Variants in NCR3LG1 observed in about 807,000 individuals in gnomAD.
NCR3LG1 encodes natural cytotoxicity triggering receptor 3 ligand 1.
A neutral mutation model predicts 34.8 loss-of-function variants in NCR3LG1; 35 were observed. That is an observed-to-expected ratio of 1.01 (90% CI 0.77 to 1.33). The LOEUF (loss-of-function observed/expected upper bound fraction) is 1.33, where lower values mean the gene tolerates loss of function less well. NCR3LG1 is among the 40% of genes most tolerant of loss of function. NCR3LG1 has a pLI of 0.00. For synonymous variants in NCR3LG1, 173 were observed against 163.6 expected, an observed-to-expected ratio of 1.06 and a Z score of -0.44; for missense variants, 452 against 423.3, an observed-to-expected ratio of 1.07 and a Z score of -0.60.
intron 4 of NCR3LG1, among the ~76,000 whole-genome samples, chr11:17,369,573 C>T (rs114263086): frequency 6.6e-6 from 1 of 152,184 alleles, no homozygotes; most frequent in African/African-American, 2.4e-5. Flanking sequence ...AATAAAAGGG[C>T]CCTCAATTAT....
intron 2 of NCR3LG1, among the ~76,000 whole-genome samples, chr11:17,363,147 T>A (rs902048067): frequency 1.3e-5 from 2 of 150,132 alleles, no homozygotes; most frequent in African/African-American, 4.9e-5. Flanking sequence ...CGTCTTGAAC[T>A]CCCTCGGCTC....
rs1953473162 is a variant in NCR3LG1, at chr11:17,376,028, CA to C, written c.*3517del. On this transcript the variant is annotated 3_prime_UTR_variant, in exon 5 of 5. Transcript: ENST00000338965. Reference sequence around the variant, plus strand: ...CATCAGTGCATCCAAAGATTGTTCTCAGGAGAAAATCTACTAAAAATGGTCA... The same window carrying C: ...CATCAGTGCATCCAAAGATTGTTCTCGGAGAAAATCTACTAAAAATGGTCA... 1 of 152,192 alleles carries C rather than the reference CA, an allele frequency of 6.6e-6. No homozygotes were observed. The highest frequency in any genetic ancestry group is 2.4e-5 in the African/African-American group (1 of 41,448). The allele number at this position is 152,192 out of a possible 1,614,324, so 9.4% of individuals were successfully genotyped here. A position where few individuals can be genotyped will look rare whatever the true frequency, so the allele number is the denominator to read the frequency against.
At position 17,352,008 on chromosome 11, in the gene NCR3LG1, C is replaced by T. The variant is rs1417278693; in HGVS notation, c.39C>T (p.Leu13=). ...CTGCCGCCTCCACGTGCGCGGCGCT[C>T]CTGATTCTGCTGTGGGCGCTGACGA... ...WRAAASTCAA[L]LILLWALTTE... is the part of the protein sequence containing the mutation. Residue 13 remains leucine (L), a synonymous_variant, in exon 1 of 5, where the codon CTC becomes CTT. Transcript: ENST00000338965. The T allele has an allele frequency of 6.6e-7, 1 of 1,516,820 alleles. No homozygotes were observed. The highest frequency in any genetic ancestry group is 8.8e-7 in the Non-Finnish European group (1 of 1,137,042). The allele number at this position is 1,516,820 out of a possible 1,614,324, so 94.0% of individuals were successfully genotyped here.
At chr11:17,353,728 AGC>A (rs1490727378) in intron 1 of NCR3LG1, among the ~76,000 whole-genome samples, 1 of 143,476 alleles carries the variant, frequency 7.0e-6, no homozygotes, top group African/African-American at 2.7e-5. Context: ...CAGCAGCAGC[AGC>A]TCCTGGAGGA....
intron 3 of NCR3LG1, among the ~76,000 whole-genome samples, chr11:17,368,548 G>C (rs1219471826): frequency 6.6e-6 from 1 of 152,146 alleles, no homozygotes; most frequent in Non-Finnish European, 1.5e-5. Context: ...TGCATGTATG[G>C]TACGAGGGGT....
chr11:17,371,599 G>T (rs1352076585), intron 4 of NCR3LG1, among the ~76,000 whole-genome samples: 1 of 152,206 alleles, frequency 6.6e-6, no homozygotes, highest in Admixed American at 6.5e-5. Flanking sequence ...AAATCAATCA[G>T]TCTCATTCTC....
chr11:17,372,016 A>G lies in NCR3LG1; in HGVS notation c.869A>G (p.Lys290Arg). The G allele has an allele frequency of 1.4e-6, 1 of 699,016 alleles. No individual in the cohort carries two copies. The allele number at this position is 699,016 out of a possible 1,614,324, so 43.3% of individuals were successfully genotyped here. Residue 290 changes from lysine to arginine, a missense_variant, in exon 5 of 5, where the codon AAA becomes AGA. Transcript: ENST00000338965. Reference sequence around the variant, plus strand: ...CTCCTCTTTTTCTAGATATGTAACAAATCATCTTCAGCCTATACTCCTCTC... The same window carrying G: ...CTCCTCTTTTTCTAGATATGTAACAGATCATCTTCAGCCTATACTCCTCTC... Reference protein sequence around the residue: ...VLIPWKKICNKSSSAYTPLKC... With the variant: ...VLIPWKKICNRSSSAYTPLKC...
In NCR3LG1 at chr11:17,366,991, A is replaced by ATT. The variant is rs142133579; in HGVS notation, c.422-11_422-10dup. On this transcript the variant is annotated splice_polypyrimidine_tract_variant and intron_variant, in intron 2 of 4. Transcript: ENST00000338965. ...AGGGTGCTGGGCCCAACTCTGTATG[A>ATT]TTTTTTTTCCCTGACAGCTTCCCCA... The ATT allele has an allele frequency of 5.9e-6, 9 of 1,520,394 alleles. No homozygotes were observed. In the Admixed American group the frequency reaches 9.9e-5, roughly 17 times the overall value. 94.2% of individuals were successfully genotyped at this position (1,520,394 alleles called of 1,614,324 possible).
Position 17,372,678 on chromosome 11 carries a change from T to C in NCR3LG1, c.*166T>C. Reference sequence around the variant, plus strand: ...GACCTTACTTGGGGTGATGTTATGTTGCTCTTAAACTCTTAACTACTACAG... The same window carrying C: ...GACCTTACTTGGGGTGATGTTATGTCGCTCTTAAACTCTTAACTACTACAG... On this transcript the variant is annotated 3_prime_UTR_variant, in exon 5 of 5. Transcript: ENST00000338965. 1 of 568,570 alleles carries C rather than the reference T, an allele frequency of 1.8e-6. No homozygotes were observed. Among genetic ancestry groups the C allele is most frequent in the Non-Finnish European group, 3.1e-6 (1 of 321,278 alleles). The allele number at this position is 568,570 out of a possible 1,614,324, so 35.2% of individuals were successfully genotyped here.
chr11:17,377,856 G>A (rs567018032), downstream of NCR3LG1, among the ~76,000 whole-genome samples: 9 of 152,252 alleles, frequency 5.9e-5, no homozygotes, highest in South Asian at 8.3e-4. Context: ...CTAGCCTAGC[G>A]TCTTTTCTAG....
Position 17,376,676 on chromosome 11 carries a change from C to T in NCR3LG1, c.*4164C>T, listed in dbSNP as rs1953480283. The T allele has an allele frequency of 6.6e-6, 1 of 152,180 alleles. No homozygotes were observed. Among genetic ancestry groups the T allele is most frequent in the African/African-American group, 2.4e-5 (1 of 41,426 alleles). 9.4% of individuals were successfully genotyped at this position (152,180 alleles called of 1,614,324 possible). The stretch of plus-strand genomic sequence containing the variant: ...CCAGGAAAGCATTTCCTCCCTGGTG[C>T]CAGAAAACACTTTCCCCAAAGATAA... On this transcript the variant is annotated 3_prime_UTR_variant, in exon 5 of 5. Coordinates refer to ENST00000338965, the MANE Select transcript of NCR3LG1 (RefSeq NM_001202439.3).
At chr11:17,357,744 G>C (rs547473042) in intron 2 of NCR3LG1, among the ~76,000 whole-genome samples, 16 of 152,022 alleles carry the variant, frequency 1.1e-4, no homozygotes, top group Non-Finnish European at 1.9e-4. Context: ...GTCTCCCTCT[G>C]TTGCCCAGGC....
At position 17,372,329 on chromosome 11, in the gene NCR3LG1, A is replaced by G; in HGVS notation, c.1182A>G (p.Ser394=). The G allele has an allele frequency of 2.8e-6, 2 of 703,128 alleles. No individual in the cohort carries two copies. The highest frequency in any genetic ancestry group is 5.2e-6 in the Non-Finnish European group (2 of 385,026). The allele number at this position is 703,128 out of a possible 1,614,324, so 43.6% of individuals were successfully genotyped here. ...ACCCTGCTCTCCTAACAGTTACATC[A>G]GGCAAGTCCATAGATGATAATTCCA... The part of the protein sequence containing the change: ...RIDPALLTVT[S]GKSIDDNSTK... The change falls in exon 5 of 5, where the codon TCA becomes TCG. Residue 394 remains serine, a synonymous_variant. Coordinates refer to ENST00000338965, the MANE Select transcript of NCR3LG1 (RefSeq NM_001202439.3).
rs544745284 is a variant in NCR3LG1, at chr11:17,352,048, C to A, written c.70+9C>A. ...GGCGCTGACGACCGAAGGTAGGGGG[C>A]GGCTGGGGTGGGCTGGGGCGGGGGC... is the stretch of plus-strand genomic sequence containing the variant. On this transcript the variant is annotated intron_variant, in intron 1 of 4. Coordinates refer to ENST00000338965, the MANE Select transcript of NCR3LG1 (RefSeq NM_001202439.3). The A allele has an allele frequency of 1.6e-5, 3 of 192,846 alleles. No individual in the cohort carries two copies. The highest frequency in any genetic ancestry group is 3.0e-5 in the Non-Finnish European group (3 of 98,362). 11.9% of individuals were successfully genotyped at this position (192,846 alleles called of 1,614,324 possible).
Position 17,372,065 on chromosome 11 carries a change from C to T in NCR3LG1, c.918C>T (p.Asn306=), listed in dbSNP as rs1443652124. Residue 306 remains asparagine, a synonymous_variant, in exon 5 of 5, where the codon AAC becomes AAT. Coordinates refer to ENST00000338965, the MANE Select transcript of NCR3LG1 (RefSeq NM_001202439.3). ...TCAAGTGCATTCTGAAACACTGGAA[C>T]TCCTTTGACACTCAGACTCTGAAGA... is the stretch of plus-strand genomic sequence containing the variant. ...TPLKCILKHW[N]SFDTQTLKKE... The T allele has an allele frequency of 1.4e-6, 1 of 702,816 alleles. No individual in the cohort carries two copies. Among genetic ancestry groups the T allele is most frequent in the Admixed American group, 2.0e-5 (1 of 50,002 alleles). The allele number at this position is 702,816 out of a possible 1,614,324, so 43.5% of individuals were successfully genotyped here.
chr11:17,369,640 AT>A (rs1400850452), intron 4 of NCR3LG1, among the ~76,000 whole-genome samples: 2 of 152,248 alleles, frequency 1.3e-5, no homozygotes, highest in Non-Finnish European at 2.9e-5. Flanking sequence ...ATTATAAATA[AT>A]TTAGGAGAAG....
rs1198349753 is a variant in NCR3LG1 at position 17,373,717 on chromosome 11, C to CA, written c.*1207dup. The stretch of plus-strand genomic sequence containing the variant: ...AAAGACTTTAACTTGATATTTTTCT[C>CA]AACCTATTAGTTGCAGTCAGAGGGA... On this transcript the variant is annotated 3_prime_UTR_variant, in exon 5 of 5. Transcript: ENST00000338965. 2.0e-5 allele frequency: 3 copies of CA among 148,432 alleles called. No individual in the cohort carries two copies. Among genetic ancestry groups the CA allele is most frequent in the African/African-American group, 7.4e-5 (3 of 40,530 alleles). The allele number at this position is 148,432 out of a possible 1,614,324, so 9.2% of individuals were successfully genotyped here.
At chr11:17,352,177 CTTTTTTTT>C in intron 1 of NCR3LG1, 138 bp downstream of exon 1, 68 of 290,344 alleles carry the variant, frequency 2.3e-4, no homozygotes, top group East Asian at 5.8e-4. Flanking sequence ...ATTTCTTCTC[CTTTTTTTT>C]TTTTTTTTTT....
chr11:17,362,526 A>G (rs1390072382), intron 2 of NCR3LG1, among the ~76,000 whole-genome samples: 1 of 152,122 alleles, frequency 6.6e-6, no homozygotes, highest in East Asian at 1.9e-4. Flanking sequence ...ACTTTCTGGA[A>G]GAAATTGTAA....
Sources: gnomAD v4.1 joint callset for allele counts (sites outside exome capture counted in the v4.1 genomes callset) on GRCh38, gnomAD v4.1.1 for gene constraint, MANE v1.5 for transcripts, NCBI Gene and HGNC (gene_info 2026-07-23, HGNC 2026-07-21) for gene names.